The following ZNF839 variants were observed in gnomAD, a reference collection of about 807,000 sequenced individuals.
ZNF839 encodes zinc finger protein 839.
A neutral mutation model predicts 56.4 loss-of-function variants in ZNF839; 38 were observed. That is an observed-to-expected ratio of 0.67 (90% CI 0.52 to 0.88). The LOEUF (loss-of-function observed/expected upper bound fraction) is 0.88, where lower values mean the gene tolerates loss of function less well. Among genes scored for constraint, ZNF839 ranks in the 40% least tolerant of loss-of-function variants. ZNF839 has a pLI of 0.00. For missense variants in ZNF839, 1,091 were observed against 1,177.6 expected, an observed-to-expected ratio of 0.93 and a Z score of 1.08; for synonymous variants, 486 against 493.5, an observed-to-expected ratio of 0.98 and a Z score of 0.20.
chr14:102,326,014 G>T lies in ZNF839; in HGVS notation c.318G>T (p.Thr106=). The part of the protein sequence containing the change: ...QQLEAICVKV[T]SGETKGQERP... ...TAGAAGCCATTTGTGTCAAGGTAAC[G>T]TCTGGAGAAACAAAAGGTCAGGAAA... is the stretch of plus-strand genomic sequence containing the variant. The change falls in exon 2 of 8, where the codon ACG becomes ACT. Residue 106 remains threonine (T), a synonymous_variant. Coordinates refer to ENST00000442396, the MANE Select transcript of ZNF839 (RefSeq NM_018335.6). This position sits in a 1 kb window ranked among gnomAD's most constrained non-coding sequence, Gnocchi z 4.3. 1 of 1,612,998 alleles carries T rather than the reference G, an allele frequency of 6.2e-7. No homozygotes were observed.
At chr14:102,327,716 C>T (rs1172129161) in intron 2 of ZNF839, among the ~76,000 whole-genome samples, 1 of 152,194 alleles carries the variant, frequency 6.6e-6, no homozygotes, top group Non-Finnish European at 1.5e-5. Flanking sequence ...GGACCAGAAT[C>T]ACTCTAGTGG....
chr14:102,333,493 C>T (rs1340836019), intron 3 of ZNF839, among the ~76,000 whole-genome samples: 1 of 151,988 alleles, frequency 6.6e-6, no homozygotes, highest in Non-Finnish European at 1.5e-5. Flanking sequence ...GAACTCCTAC[C>T]CTGAAGTAAT....
At chr14:102,328,053 T>G (rs1382555758) in intron 2 of ZNF839, among the ~76,000 whole-genome samples, 2 of 151,862 alleles carry the variant, frequency 1.3e-5, no homozygotes, top group African/African-American at 4.8e-5. Flanking sequence ...CAAAAAATTT[T>G]TTTCTAAAAT....
At chr14:102,336,259 C>T (rs1885687126) in intron 5 of ZNF839, among the ~76,000 whole-genome samples, 1 of 150,574 alleles carries the variant, frequency 6.6e-6, no homozygotes, top group Admixed American at 6.6e-5. Flanking sequence ...TGTTCGACCT[C>T]ATTTTAGCTT....
rs774811844 is a variant in ZNF839 at position 102,326,766 on chromosome 14, G to A, written c.1070G>A (p.Arg357Gln). 23 of 1,612,568 alleles carry A rather than the reference G, an allele frequency of 1.4e-5. No homozygotes were observed. Among genetic ancestry groups the A allele is most frequent in the Non-Finnish European group, 1.7e-5 (20 of 1,179,468 alleles). The part of the protein sequence containing the change: ...LSEKASGSTL[R>Q]GCTEERTLSL... ...GAGAAAGCCAGTGGAAGCACCCTCC[G>A]GGGGTGCACGGAGGAAAGGACGCTC... The change falls in exon 2 of 8, where the codon CGG becomes CAG. Residue 357 changes from arginine (R) to glutamine (Q), a missense_variant. Physicochemically the swap from Arg to Gln is conservative, Grantham distance 43. Around this residue, in one of 3 missense-constraint regions of ZNF839, gnomAD observed 614 missense variants for 629.2 expected, o/e 0.98. Transcript: ENST00000442396. This position sits in a 1 kb window ranked among gnomAD's most constrained non-coding sequence, Gnocchi z 4.3.
rs1886626055 is a variant in ZNF839, at chr14:102,342,273, T to C, written c.*94T>C. 1 of 1,473,636 alleles carries C rather than the reference T, an allele frequency of 6.8e-7. No homozygotes were observed. Among genetic ancestry groups the C allele is most frequent in the Non-Finnish European group, 9.1e-7 (1 of 1,098,464 alleles). The allele number at this position is 1,473,636 out of a possible 1,614,324, so 91.3% of individuals were successfully genotyped here. A position where few individuals can be genotyped will look rare whatever the true frequency, so the allele number is the denominator to read the frequency against. On this transcript the variant is annotated 3_prime_UTR_variant, in exon 8 of 8. Coordinates refer to ENST00000442396, the MANE Select transcript of ZNF839 (RefSeq NM_018335.6). ...GTCAGATCCTAGATTCGTCTGATTT[T>C]ATCCAGAGAAGGTCTATGGCAAGCA...
intron 3 of ZNF839, among the ~76,000 whole-genome samples, chr14:102,334,268 G>A (rs1321791299): frequency 1.3e-5 from 2 of 152,246 alleles, no homozygotes; most frequent in African/African-American, 4.8e-5. Flanking sequence ...CAGCCTGGGT[G>A]AGTCCTGGAG....
At chr14:102,323,107 T>C (rs1401839218) in intron 1 of ZNF839, among the ~76,000 whole-genome samples, 2 of 152,234 alleles carry the variant, frequency 1.3e-5, no homozygotes, top group African/African-American at 2.4e-5. Context: ...CTCCACTGTT[T>C]GAGGGTCACA....
At chr14:102,330,661 G>T (rs1003396190) in intron 2 of ZNF839, among the ~76,000 whole-genome samples, 1 of 150,934 alleles carries the variant, frequency 6.6e-6, no homozygotes, top group African/African-American at 2.4e-5. Flanking sequence ...CAGCCTTCAG[G>T]TGTGCACCAT....
At chr14:102,336,766 CT>C in intron 5 of ZNF839, 1 of 316,124 alleles carries the variant, frequency 3.2e-6, no homozygotes, top group African/African-American at 2.2e-5. Flanking sequence ...CAGGGTTTCC[CT>C]CTGTCTCCCA....
chr14:102,332,424 T>C lies in ZNF839; in HGVS notation c.1416+578T>C, dbSNP rs1445593961. ...TTGGGATTACAGGCATGAGCCACCA[T>C]GCCCGGCCTTCAGAACCATTCTTGA... On this transcript the variant is annotated intron_variant, in intron 3 of 7. Transcript: ENST00000442396. The surrounding 1 kb of genome is among the most constrained non-coding windows in gnomAD (Gnocchi z 4.9). Among the ~76,000 whole-genome samples, 1 of 150,230 alleles carries C rather than the reference T, an allele frequency of 6.7e-6. No individual in the cohort carries two copies. Among genetic ancestry groups the C allele is most frequent in the African/African-American group, 2.4e-5 (1 of 41,006 alleles).
chr14:102,322,559 T>A (rs577690928), intron 1 of ZNF839, among the ~76,000 whole-genome samples: 2 of 152,316 alleles, frequency 1.3e-5, no homozygotes, highest in African/African-American at 4.8e-5. Flanking sequence ...TGTATGTATG[T>A]ATATGTATTA....
chr14:102,332,909 TCAAAAA>T lies in ZNF839; in HGVS notation c.1416+1082_1416+1087del, dbSNP rs965303846. 5.6e-4 allele frequency among the ~76,000 whole-genome samples: 85 copies of T among 152,274 alleles called. No individual in the cohort carries two copies. Among genetic ancestry groups the T allele is most frequent in the East Asian group, 3.3e-3 (17 of 5,166 alleles). On this transcript the variant is annotated intron_variant, in intron 3 of 7. Transcript: ENST00000442396. This position sits in a 1 kb window ranked among gnomAD's most constrained non-coding sequence, Gnocchi z 4.9. ...TGGGGGACAAGAACGAGACTTCGTC[TCAAAAA>T]CAAAAACAAAAACAAAAAAAACTGT...
At chr14:102,327,646 A>G (rs2073489577) in intron 2 of ZNF839, among the ~76,000 whole-genome samples, 1 of 152,100 alleles carries the variant, frequency 6.6e-6, no homozygotes, top group Non-Finnish European at 1.5e-5. Context: ...CCTGCTCATC[A>G]TCCTTACATT....
intron 1 of ZNF839, among the ~76,000 whole-genome samples, chr14:102,324,083 G>A (rs1464872369): frequency 6.6e-6 from 1 of 152,180 alleles, no homozygotes; most frequent in African/African-American, 2.4e-5. Flanking sequence ...AGCACATTCA[G>A]GACAGGGTGA....
chr14:102,341,444 C>CT lies in ZNF839; in HGVS notation c.2051dup (p.Leu684PhefsTer30). 2 of 1,595,656 alleles carry CT rather than the reference C, an allele frequency of 1.3e-6. No individual in the cohort carries two copies. On this transcript the variant is annotated frameshift_variant, in exon 8 of 8. Coordinates refer to ENST00000442396, the MANE Select transcript of ZNF839 (RefSeq NM_018335.6). LOFTEE classifies it low-confidence loss of function (END_TRUNC). ...GCCCGCAGCTTCAGGCACTGGCTAA[C>CT]TTAGAAGCCAGGAGGGGGTCTATAG...
chr14:102,335,608 A>G, intron 4 of ZNF839, 81 bp from the exon 5 acceptor site: 5 of 1,443,432 alleles, frequency 3.5e-6, no homozygotes, highest in Non-Finnish European at 4.6e-6. Flanking sequence ...AGGAACCGAA[A>G]CTTTGTTTAG....
chr14:102,327,010 C>A (rs921604201), intron 2 of ZNF839, 123 bp downstream of exon 2: 2 of 1,136,776 alleles, frequency 1.8e-6, no homozygotes, highest in African/African-American at 1.6e-5. Flanking sequence ...ATAGACTGTA[C>A]AGGAAGCATG....
chr14:102,320,464 A>G (rs2073070148), intron 1 of ZNF839, among the ~76,000 whole-genome samples: 1 of 152,208 alleles, frequency 6.6e-6, no homozygotes, highest in African/African-American at 2.4e-5. Flanking sequence ...TGAAGAACGA[A>G]CATAAGGCAG....
Sources: gnomAD v4.1 joint callset for allele counts (sites outside exome capture counted in the v4.1 genomes callset) on GRCh38, gnomAD v4.1.1 for gene constraint, gnomAD v4.1.1 regional missense constraint, Gnocchi (gnomAD v3.1) non-coding constraint, MANE v1.5 for transcripts, NCBI Gene and HGNC (gene_info 2026-07-23, HGNC 2026-07-21) for gene names.